Variants in PXN observed in about 807,000 individuals in gnomAD.
PXN encodes the protein testicular tissue protein Li 134.
PXN carries 61 observed loss-of-function variants against 103.6 expected under a neutral mutation model. The ratio of observed to expected loss-of-function variants is 0.59; its 90% confidence interval spans 0.48 to 0.73. The LOEUF is 0.73. Among genes scored for constraint, PXN ranks in the 30% least tolerant of loss-of-function variants. PXN has a pLI of 0.00. For missense variants in PXN, 1,274 were observed against 1,460.3 expected (o/e 0.87, Z 2.08); for synonymous variants, 562 against 607.8 (o/e 0.92, Z 1.11).
chr12:120,211,443 A>G lies in PXN; in HGVS notation c.*871T>C, dbSNP rs536673690. ...CTTCCCCACCCCAACCCTCAGTACA[A>G]AGCAAACTTCACACCAGAGCCACCA... On this transcript the variant is annotated 3_prime_UTR_variant, in exon 15 of 15. Coordinates refer to ENST00000637617, the MANE Select transcript of PXN (RefSeq NM_001385981.1). 1.9e-4 allele frequency: 31 copies of G among 163,724 alleles called. No individual in the cohort carries two copies. In the South Asian group the frequency reaches 4.7e-3, roughly 25 times the overall value. 10.1% of individuals were successfully genotyped at this position (163,724 alleles called of 1,614,324 possible).
intron 1 of PXN, among the ~76,000 whole-genome samples, chr12:120,246,021 C>T (rs1439999833): frequency 1.3e-5 from 2 of 151,882 alleles, no homozygotes; most frequent in Non-Finnish European, 2.9e-5. Context: ...TAAAATCAAA[C>T]CAATGAAGTA....
intron 1 of PXN, among the ~76,000 whole-genome samples, chr12:120,245,505 C>A (rs1464460563): frequency 6.6e-6 from 1 of 151,568 alleles, no homozygotes; most frequent in Non-Finnish European, 1.5e-5. Context: ...AAAAAGAATG[C>A]GGCCGGGCAC....
intron 1 of PXN, among the ~76,000 whole-genome samples, chr12:120,251,916 G>A (rs1413608432): frequency 3.9e-5 from 6 of 152,284 alleles, no homozygotes; most frequent in Admixed American, 2.6e-4. Flanking sequence ...AAGAATGAAC[G>A]ATAACCATCA....
rs940523523 is a variant in PXN, at chr12:120,221,512, A to C, written c.831+111T>G. 6 of 1,258,000 alleles carry C rather than the reference A, an allele frequency of 4.8e-6. No homozygotes were observed. Among genetic ancestry groups the C allele is most frequent in the Non-Finnish European group, 5.4e-6 (5 of 919,504 alleles). The allele number at this position is 1,258,000 out of a possible 1,614,324, so 77.9% of individuals were successfully genotyped here. A position where few individuals can be genotyped will look rare whatever the true frequency, so the allele number is the denominator to read the frequency against. ...ATGACAGTGTCCCTGGCTCAGGGGC[A>C]AGGCACCCAAACACTGAGATGCCAA... On this transcript the variant is annotated intron_variant, in intron 6 of 14. Coordinates refer to ENST00000637617, the MANE Select transcript of PXN (RefSeq NM_001385981.1). The surrounding 1 kb of genome is among the most constrained non-coding windows in gnomAD (Gnocchi z 6.6).
At chr12:120,223,696 C>A in intron 3 of PXN, 22 bp downstream of exon 3, 1 of 1,529,602 alleles carries the variant, frequency 6.5e-7, no homozygotes, top group Admixed American at 1.9e-5. Flanking sequence ...GGGAAGGTGC[C>A]CTGGGCAGAC....
At chr12:120,236,542 A>T (rs1889093983) in intron 1 of PXN, among the ~76,000 whole-genome samples, 1 of 143,018 alleles carries the variant, frequency 7.0e-6, no homozygotes, top group African/African-American at 2.7e-5. Context: ...CAGTGGCGCC[A>T]TCTCAGCTCA....
Position 120,220,000 on chromosome 12 carries a change from A to G in PXN, c.923T>C (p.Met308Thr), listed in dbSNP as rs562362707. The G allele has an allele frequency of 7.6e-6, 12 of 1,579,786 alleles. No individual in the cohort carries two copies. Among genetic ancestry groups the G allele is most frequent in the African/African-American group, 5.4e-5 (4 of 74,552 alleles). The change falls in exon 7 of 15, where the codon ATG becomes ACG. Residue 308 changes from methionine (M) to threonine (T), a missense_variant. By Grantham distance (81) the Met-to-Thr change is moderately conservative (BLOSUM62 -1). Around this residue, in one of 2 missense-constraint regions of PXN, gnomAD observed 1,178 missense variants for 1,309.0 expected, o/e 0.90. Coordinates refer to ENST00000637617, the MANE Select transcript of PXN (RefSeq NM_001385981.1). This position sits in a 1 kb window ranked among gnomAD's most constrained non-coding sequence, Gnocchi z 6.5. Reference protein sequence around the residue: ...YCSLPPSPPPMPSVFLPPTTI... With the variant: ...YCSLPPSPPPTPSVFLPPTTI... Reference sequence around the variant, plus strand: ...GGTGGGTGGCAGAAATACAGATGGCATGGGAGGAGGAGAAGGAGGAAGGGA... The same window carrying G: ...GGTGGGTGGCAGAAATACAGATGGCGTGGGAGGAGGAGAAGGAGGAAGGGA...
rs1212641872 is a variant in PXN at position 120,216,279 on chromosome 12, C to T, written c.2295G>A (p.Pro765=). The change falls in exon 9 of 15, where the codon CCG becomes CCA. Residue 765 remains proline, a synonymous_variant. Coordinates refer to ENST00000637617, the MANE Select transcript of PXN (RefSeq NM_001385981.1). This position sits in a 1 kb window ranked among gnomAD's most constrained non-coding sequence, Gnocchi z 5.1. ...GGGCTCCTTTAAGGCCTGCCTGCATCGGGGGGAAGAGCGGGTCCTCATCAG... is the reference window on the plus strand; with the variant it reads ...GGGCTCCTTTAAGGCCTGCCTGCATTGGGGGGAAGAGCGGGTCCTCATCAG... ...CQTDEDPLFP[P]MQIQGLEQRA... is the part of the protein sequence containing the mutation. 1.4e-5 allele frequency: 18 copies of T among 1,275,062 alleles called. No individual in the cohort carries two copies. The highest frequency in any genetic ancestry group is 6.2e-5 in the South Asian group (2 of 32,098). 79.0% of individuals were successfully genotyped at this position (1,275,062 alleles called of 1,614,324 possible). A position where few individuals can be genotyped will look rare whatever the true frequency, so the allele number is the denominator to read the frequency against.
intron 1 of PXN, among the ~76,000 whole-genome samples, chr12:120,235,339 T>TGAG (rs1424269525): frequency 1.3e-5 from 2 of 151,238 alleles, no homozygotes; most frequent in South Asian, 2.1e-4. Context: ...CAGGAGGGGG[T>TGAG]GAGGAGTGGA....
At chr12:120,243,929 A>G (rs899952182) in intron 1 of PXN, among the ~76,000 whole-genome samples, 1 of 151,930 alleles carries the variant, frequency 6.6e-6, no homozygotes, top group African/African-American at 2.4e-5. Context: ...TCTTCATCTG[A>G]GCATTGGGCA....
chr12:120,233,176 C>T lies in PXN; in HGVS notation c.14-8799G>A, dbSNP rs867899609. On this transcript the variant is annotated intron_variant, in intron 1 of 14. Transcript: ENST00000637617. ...ACGCTTCCTGCACACACCATCGGCC[C>T]GAACTTCTTGGCACCCAGCCTTTTT... is the stretch of plus-strand genomic sequence containing the variant. Among the ~76,000 whole-genome samples, 8 of 152,136 alleles carry T rather than the reference C, an allele frequency of 5.3e-5. No homozygotes were observed. In the East Asian group the frequency reaches 9.6e-4, roughly 18 times the overall value.
At chr12:120,245,603 C>A (rs758435933) in intron 1 of PXN, among the ~76,000 whole-genome samples, 2 of 151,480 alleles carry the variant, frequency 1.3e-5, no homozygotes, top group Non-Finnish European at 2.9e-5. Flanking sequence ...CTGGCTAACA[C>A]GGTGAAACCC....
In PXN at chr12:120,224,785, C is replaced by T; in HGVS notation, c.14-408G>A. On this transcript the variant is annotated intron_variant, in intron 1 of 14. Coordinates refer to ENST00000637617, the MANE Select transcript of PXN (RefSeq NM_001385981.1). The surrounding 1 kb of genome is among the most constrained non-coding windows in gnomAD (Gnocchi z 5.0). ...GGGCCCCACGTCACAGGGAGGGGCC[C>T]TGGCTATGCCAGGCCCTCACTTGAT... 1 of 468,658 alleles carries T rather than the reference C, an allele frequency of 2.1e-6. No individual in the cohort carries two copies. Among genetic ancestry groups the T allele is most frequent in the Non-Finnish European group, 4.2e-6 (1 of 235,466 alleles). 29.0% of individuals were successfully genotyped at this position (468,658 alleles called of 1,614,324 possible).
In PXN at chr12:120,216,217, G is replaced by T; in HGVS notation, c.2301+56C>A. 7.9e-7 allele frequency: 1 copy of T among 1,269,944 alleles called. No individual in the cohort carries two copies. Among genetic ancestry groups the T allele is most frequent in the Admixed American group, 3.9e-5 (1 of 25,712 alleles). The allele number at this position is 1,269,944 out of a possible 1,614,324, so 78.7% of individuals were successfully genotyped here. The stretch of plus-strand genomic sequence containing the variant: ...GCACGTGTGTGTGTGCAGAGTGGGG[G>T]ATGGCTCAGGCATTAGGACAGGGGA... On this transcript the variant is annotated intron_variant, in intron 9 of 14. Transcript: ENST00000637617. This position sits in a 1 kb window ranked among gnomAD's most constrained non-coding sequence, Gnocchi z 5.1.
At chr12:120,259,714 C>G (rs999429789) in intron 1 of PXN, among the ~76,000 whole-genome samples, 12 of 152,122 alleles carry the variant, frequency 7.9e-5, no homozygotes, top group Non-Finnish European at 1.8e-4. Context: ...ACACTCAAGG[C>G]CAGATATGAG....
At chr12:120,250,150 T>C in intron 1 of PXN, 1 of 985,194 alleles carries the variant, frequency 1.0e-6, no homozygotes, top group Non-Finnish European at 1.2e-6. Flanking sequence ...GAGCCAGGAG[T>C]ACACAGGGGA....
chr12:120,265,501 C>T lies in PXN; in HGVS notation c.13+116G>A. On this transcript the variant is annotated intron_variant, in intron 1 of 14. Transcript: ENST00000637617. The surrounding 1 kb of genome is among the most constrained non-coding windows in gnomAD (Gnocchi z 5.7). ...GAGCCCCGGCCGGCAGGGACAGGAGCTGAGGCCGGGGCCGCCGAGGGTGGG... is the reference window on the plus strand; with the variant it reads ...GAGCCCCGGCCGGCAGGGACAGGAGTTGAGGCCGGGGCCGCCGAGGGTGGG... The T allele has an allele frequency of 9.0e-6, 11 of 1,217,452 alleles. No homozygotes were observed. Among genetic ancestry groups the T allele is most frequent in the Non-Finnish European group, 1.2e-5 (11 of 932,934 alleles). The allele number at this position is 1,217,452 out of a possible 1,614,324, so 75.4% of individuals were successfully genotyped here.
Position 120,220,637 on chromosome 12 carries a change from GCTCCCT to G in PXN, c.832-552_832-547del, listed in dbSNP as rs1305477640. Among the ~76,000 whole-genome samples, 4 of 152,320 alleles carry G rather than the reference GCTCCCT, an allele frequency of 2.6e-5. No individual in the cohort carries two copies. In the East Asian group the frequency reaches 7.7e-4, roughly 29 times the overall value. On this transcript the variant is annotated intron_variant, in intron 6 of 14. Coordinates refer to ENST00000637617, the MANE Select transcript of PXN (RefSeq NM_001385981.1). The surrounding 1 kb of genome is among the most constrained non-coding windows in gnomAD (Gnocchi z 6.1). Reference sequence around the variant, plus strand: ...GCAGCCTTAAAAGCACCGGGGCACAGCTCCCTCAGGCCAGGCCCTGAATCCAACTTA... The same window carrying G: ...GCAGCCTTAAAAGCACCGGGGCACAGCAGGCCAGGCCCTGAATCCAACTTA...
At position 120,219,842 on chromosome 12, in the gene PXN, A is replaced by G. The variant is rs1273038019; in HGVS notation, c.1081T>C (p.Phe361Leu). Reference sequence around the variant, plus strand: ...TCCACAGAGGGAGACCTTGAGTTGAAGGTGTCAGGCATCACCCCAAGACCA... The same window carrying G: ...TCCACAGAGGGAGACCTTGAGTTGAGGGTGTCAGGCATCACCCCAAGACCA... ...LAGLGVMPDT[F>L]NSRSPSVEGS... The change falls in exon 7 of 15, where the codon TTC becomes CTC. Residue 361 changes from phenylalanine to leucine, a missense_variant. By Grantham distance (22) the Phe-to-Leu change is conservative. Transcript: ENST00000637617. The surrounding 1 kb of genome is among the most constrained non-coding windows in gnomAD (Gnocchi z 6.5). 1 of 1,598,410 alleles carries G rather than the reference A, an allele frequency of 6.3e-7. No homozygotes were observed. Among genetic ancestry groups the G allele is most frequent in the South Asian group, 1.1e-5 (1 of 91,080 alleles).
Sources: gnomAD v4.1 joint callset for allele counts (sites outside exome capture counted in the v4.1 genomes callset) on GRCh38, gnomAD v4.1.1 for gene constraint, gnomAD v4.1.1 regional missense constraint, Gnocchi (gnomAD v3.1) non-coding constraint, MANE v1.5 for transcripts, NCBI Gene and HGNC (gene_info 2026-07-23, HGNC 2026-07-21) for gene names.